The following PTPRR variants were observed in gnomAD, a reference collection of about 807,000 sequenced individuals.
PTPRR encodes receptor-type tyrosine-protein phosphatase R.
In PTPRR, 38 loss-of-function variants were observed where a neutral mutation model predicts 77.2. The ratio of observed to expected loss-of-function variants is 0.49; its 90% CI spans 0.38 to 0.65. The LOEUF is 0.65. Among genes scored for constraint, PTPRR ranks in the 30% least tolerant of loss-of-function variants. PTPRR has a pLI of 0.00. For missense variants in PTPRR, 744 were observed against 799.2 expected (o/e 0.93, Z 0.83); for synonymous variants, 299 against 283.1 (o/e 1.06, Z -0.57).
intron 2 of PTPRR, among the ~76,000 whole-genome samples, chr12:70,874,199 AAG>A (rs1380841863): frequency 8.5e-5 from 13 of 152,226 alleles, no homozygotes; most frequent in African/African-American, 2.4e-4. Context: ...ACTCTTCAGT[AAG>A]AGTCTTATTG....
intron 2 of PTPRR, among the ~76,000 whole-genome samples, chr12:70,884,968 G>A (rs1592814167): frequency 6.7e-6 from 1 of 149,556 alleles, no homozygotes; most frequent in East Asian, 2.0e-4. Flanking sequence ...GAAATAGAAT[G>A]TTTTGTATCT....
At chr12:70,703,191 T>A (rs11178374) in intron 6 of PTPRR, among the ~76,000 whole-genome samples, 32,166 of 152,140 alleles carry the variant, frequency 0.21, 3,830 homozygotes, top group East Asian at 0.4. Context: ...TCACTATAAA[T>A]GTTACCAATA....
intron 12 of PTPRR, among the ~76,000 whole-genome samples, chr12:70,659,273 C>T (rs1886707162): frequency 6.6e-6 from 1 of 151,974 alleles, no homozygotes; most frequent in Non-Finnish European, 1.5e-5. Context: ...GCCATGGTGG[C>T]GGTGAGAGCA....
intron 10 of PTPRR, among the ~76,000 whole-genome samples, chr12:70,670,770 T>C (rs578062737): frequency 7.2e-5 from 11 of 152,360 alleles, no homozygotes; most frequent in Admixed American, 2.6e-4. Context: ...TCTCTAGCAG[T>C]GGAATTTGAA....
At chr12:70,829,457 A>C (rs934915770) in intron 2 of PTPRR, among the ~76,000 whole-genome samples, 8 of 152,264 alleles carry the variant, frequency 5.3e-5, no homozygotes, top group African/African-American at 1.9e-4. Flanking sequence ...GCATCTGTGA[A>C]TATAACTTGG....
intron 2 of PTPRR, among the ~76,000 whole-genome samples, chr12:70,798,855 A>G (rs1178409341): frequency 1.4e-5 from 2 of 147,854 alleles, no homozygotes; most frequent in South Asian, 2.1e-4. Context: ...TGTTGTCTCA[A>G]TGTTAGCTCT....
At chr12:70,695,393 T>C (rs76303646) in intron 8 of PTPRR, among the ~76,000 whole-genome samples, 5,250 of 152,334 alleles carry the variant, frequency 0.034, 131 homozygotes, top group Non-Finnish European at 0.05. Flanking sequence ...GTGGCTTTTC[T>C]AAGCTATATT....
chr12:70,806,290 G>T (rs1891708422), intron 2 of PTPRR, among the ~76,000 whole-genome samples: 1 of 152,276 alleles, frequency 6.6e-6, no homozygotes, highest in Non-Finnish European at 1.5e-5. Flanking sequence ...GAACATTTCA[G>T]CATTTCAATA....
intron 1 of PTPRR, among the ~76,000 whole-genome samples, chr12:70,897,307 G>GA (rs1208065226): frequency 2.0e-5 from 3 of 150,818 alleles, no homozygotes; most frequent in Non-Finnish European, 3.0e-5. Context: ...ACATTTACAA[G>GA]AAAAAAAACA....
intron 3 of PTPRR, among the ~76,000 whole-genome samples, chr12:70,763,361 G>T (rs1429885911): frequency 6.6e-6 from 1 of 152,092 alleles, no homozygotes; most frequent in Non-Finnish European, 1.5e-5. Context: ...TCAAACTCCT[G>T]ACCTCCAGTT....
chr12:70,690,862 A>G lies in PTPRR; in HGVS notation c.1280-6079T>C, dbSNP rs115754454. On this transcript the variant is annotated intron_variant, in intron 8 of 13. Coordinates refer to ENST00000283228, the MANE Select transcript of PTPRR (RefSeq NM_002849.4). ...TTTACCATCATTTGCATACATTAATATTACTAATTCGTCTCTTTATGATTT... is the reference window on the plus strand; with the variant it reads ...TTTACCATCATTTGCATACATTAATGTTACTAATTCGTCTCTTTATGATTT... 7.1e-3 allele frequency among the ~76,000 whole-genome samples: 1,077 copies of G among 152,266 alleles called. 13 individuals are homozygous for G. Among genetic ancestry groups the G allele is most frequent in the African/African-American group, 0.024 (994 of 41,554 alleles).
intron 10 of PTPRR, among the ~76,000 whole-genome samples, chr12:70,673,599 G>A (rs552397125): frequency 2.6e-5 from 4 of 152,214 alleles, no homozygotes; most frequent in African/African-American, 9.6e-5. Flanking sequence ...AAATTATGGT[G>A]CTATGTTGAT....
At chr12:70,845,650 T>C (rs1186533724) in intron 2 of PTPRR, among the ~76,000 whole-genome samples, 1 of 152,170 alleles carries the variant, frequency 6.6e-6, no homozygotes, top group Non-Finnish European at 1.5e-5. Context: ...AACTGCATCA[T>C]GAATCTTAAG....
chr12:70,643,775 T>C (rs1411694628), intron 13 of PTPRR, among the ~76,000 whole-genome samples: 2 of 151,942 alleles, frequency 1.3e-5, no homozygotes, highest in East Asian at 1.9e-4. Flanking sequence ...TTCTTACTTT[T>C]TTTTTCTTTT....
At chr12:70,811,053 C>T (rs1010933441) in intron 2 of PTPRR, among the ~76,000 whole-genome samples, 4 of 151,666 alleles carry the variant, frequency 2.6e-5, no homozygotes, top group Non-Finnish European at 5.9e-5. Context: ...CAGTGAGGAC[C>T]GTAGGATGTA....
chr12:70,868,701 G>T (rs1200648367), intron 2 of PTPRR, among the ~76,000 whole-genome samples: 1 of 152,022 alleles, frequency 6.6e-6, no homozygotes, highest in South Asian at 2.1e-4. Flanking sequence ...ATACCCAAAG[G>T]ATTATAAATC....
chr12:70,836,404 T>G (rs553144920), intron 2 of PTPRR, among the ~76,000 whole-genome samples: 52 of 152,096 alleles, frequency 3.4e-4, no homozygotes, highest in African/African-American at 1.2e-3. Flanking sequence ...CATTACACCT[T>G]CTACAAATGT....
intron 8 of PTPRR, among the ~76,000 whole-genome samples, chr12:70,690,814 T>A (rs1383629890): frequency 1.3e-5 from 2 of 152,192 alleles, no homozygotes. Context: ...GACTAAAGTG[T>A]TACGGAAAAT....
intron 2 of PTPRR, among the ~76,000 whole-genome samples, chr12:70,861,877 G>C (rs1892759273): frequency 6.6e-6 from 1 of 152,132 alleles, no homozygotes. Context: ...AAAGGGTACA[G>C]TTTGGATTTC....
Sources: gnomAD v4.1 joint callset for allele counts (sites outside exome capture counted in the v4.1 genomes callset) on GRCh38, gnomAD v4.1.1 for gene constraint, MANE v1.5 for transcripts, NCBI Gene and HGNC (gene_info 2026-07-23, HGNC 2026-07-21) for gene names.